Variants in PTPRN2 observed in about 807,000 individuals in gnomAD.
PTPRN2 encodes receptor-type tyrosine-protein phosphatase N2.
Under a neutral mutation model 118.8 loss-of-function variants are expected in PTPRN2, and 74 were observed. That is an observed-to-expected ratio of 0.62 (90% CI 0.52 to 0.76). The LOEUF (loss-of-function observed/expected upper bound fraction) is 0.76. PTPRN2 is among the 30% of genes least tolerant of loss of function. PTPRN2 has a pLI of 0.00. For synonymous variants in PTPRN2, 641 were observed against 608.0 expected, an observed-to-expected ratio of 1.05 and a Z score of -0.80; for missense variants, 1,481 against 1,394.4, an observed-to-expected ratio of 1.06 and a Z score of -0.99.
intron 2 of PTPRN2, among the ~76,000 whole-genome samples, chr7:158,350,003 G>A (rs1807808857): frequency 6.6e-6 from 1 of 152,174 alleles, no homozygotes. Context: ...ACAGGATACA[G>A]CACGGATTCC....
rs1395243073 is a variant in PTPRN2 at position 157,854,880 on chromosome 7, G to GGAT, written c.1788+43792_1788+43793insATC. The GGAT allele has an allele frequency of 3.1e-3, 530 of 171,290 alleles. 50 individuals are homozygous for GGAT. Among genetic ancestry groups the GGAT allele is most frequent in the South Asian group, 0.029 (290 of 10,046 alleles). 10.6% of individuals were successfully genotyped at this position (171,290 alleles called of 1,614,324 possible). On this transcript the variant is annotated intron_variant, in intron 12 of 22. Transcript: ENST00000389418. ...GCTGCTGAGGCCCTGAGAAAGGTAT[G>GGAT]CATCGGGGAGGCTGGCTGTGCTGTT...
At chr7:158,549,759 G>A (rs771415773) in intron 1 of PTPRN2, among the ~76,000 whole-genome samples, 13 of 152,230 alleles carry the variant, frequency 8.5e-5, no homozygotes, top group Admixed American at 2.6e-4. Flanking sequence ...TGAGAACACC[G>A]ATTCACTCCT....
chr7:158,369,884 C>T (rs1000603624), intron 2 of PTPRN2, among the ~76,000 whole-genome samples: 7 of 152,148 alleles, frequency 4.6e-5, no homozygotes. Flanking sequence ...TAACAGCACT[C>T]CAGAAGTCCC....
chr7:158,516,395 T>C (rs1823563554), intron 1 of PTPRN2, among the ~76,000 whole-genome samples: 1 of 152,214 alleles, frequency 6.6e-6, no homozygotes, highest in South Asian at 2.1e-4. Flanking sequence ...AAGCCAAAAC[T>C]TCCTTACAAG....
rs933879193 is a variant in PTPRN2 at position 158,268,915 on chromosome 7, C to T, written c.277+47904G>A. Among the ~76,000 whole-genome samples the T allele has an allele frequency of 3.3e-5, 5 of 152,002 alleles. No individual in the cohort carries two copies. In the South Asian group the frequency reaches 8.3e-4, roughly 25 times the overall value. ...GCACACAGAGTGGGGTGTGAAATAT[C>T]CCAGCCGCGTGCACACAGGGCGGGT... is the stretch of plus-strand genomic sequence containing the variant. On this transcript the variant is annotated intron_variant, in intron 3 of 22. Coordinates refer to ENST00000389418, the MANE Select transcript of PTPRN2 (RefSeq NM_002847.5).
chr7:157,561,250 G>A (rs1799178508), intron 21 of PTPRN2, among the ~76,000 whole-genome samples: 1 of 151,628 alleles, frequency 6.6e-6, no homozygotes, highest in Admixed American at 6.6e-5. Context: ...CGGTCTCCCC[G>A]CCCTCTGGTT....
chr7:158,570,054 G>A lies in PTPRN2; in HGVS notation c.112+17504C>T, dbSNP rs149194873. On this transcript the variant is annotated intron_variant, in intron 1 of 22. Coordinates refer to ENST00000389418, the MANE Select transcript of PTPRN2 (RefSeq NM_002847.5). The surrounding 1 kb of genome is among the most constrained non-coding windows in gnomAD (Gnocchi z 4.5). ...TCCTCCCTCGCGTTCCCTCAGGCGC[G>A]TCCTCCACCCGTTTCCCCCAGGCAG... Among the ~76,000 whole-genome samples, 353 of 152,278 alleles carry A rather than the reference G, an allele frequency of 2.3e-3. 2 individuals carry two copies. Among genetic ancestry groups the A allele is most frequent in the Non-Finnish European group, 4.2e-3 (289 of 68,012 alleles).
At chr7:157,630,938 G>A (rs1163937427) in intron 14 of PTPRN2, among the ~76,000 whole-genome samples, 2 of 152,234 alleles carry the variant, frequency 1.3e-5, no homozygotes, top group South Asian at 4.1e-4. Flanking sequence ...GAACTGGGAA[G>A]TGGTCAACAC....
intron 10 of PTPRN2, among the ~76,000 whole-genome samples, chr7:158,083,559 C>A (rs1394292438): frequency 1.3e-5 from 2 of 152,240 alleles, no homozygotes; most frequent in Admixed American, 1.3e-4. Flanking sequence ...AAGACCCAGA[C>A]CCCTATGCTA....
At chr7:158,457,205 T>A (rs1818572750) in intron 2 of PTPRN2, among the ~76,000 whole-genome samples, 1 of 152,108 alleles carries the variant, frequency 6.6e-6, no homozygotes, top group Admixed American at 6.5e-5. Flanking sequence ...TCTGACCCCT[T>A]TCCTGATGCT....
chr7:158,266,834 C>T (rs1797917752), intron 3 of PTPRN2, among the ~76,000 whole-genome samples: 1 of 152,230 alleles, frequency 6.6e-6, no homozygotes, highest in South Asian at 2.1e-4. Flanking sequence ...ATTTTTAAAA[C>T]TTCATCCATT....
intron 1 of PTPRN2, among the ~76,000 whole-genome samples, chr7:158,573,162 C>G (rs1469420249): frequency 1.3e-5 from 2 of 152,198 alleles, no homozygotes; most frequent in Non-Finnish European, 2.9e-5. Flanking sequence ...TGATCATCCT[C>G]TGGTACAGAT....
At chr7:158,559,382 T>C (rs991477613) in intron 1 of PTPRN2, among the ~76,000 whole-genome samples, 3 of 152,240 alleles carry the variant, frequency 2.0e-5, no homozygotes, top group Non-Finnish European at 4.4e-5. Context: ...TGACTTTTTC[T>C]TTCTCAGAAT....
At chr7:158,145,594 C>A (rs1819869273) in intron 6 of PTPRN2, among the ~76,000 whole-genome samples, 1 of 152,238 alleles carries the variant, frequency 6.6e-6, no homozygotes, top group South Asian at 2.1e-4. Context: ...GCGGGAAAGC[C>A]AGAGCACCCT....
chr7:157,899,870 G>C (rs1261013250), intron 11 of PTPRN2, among the ~76,000 whole-genome samples: 24 of 152,198 alleles, frequency 1.6e-4, no homozygotes, highest in Admixed American at 9.2e-4. Flanking sequence ...AATACTTTAT[G>C]ATGGGGTAGA....
chr7:157,736,290 A>G (rs1176526470), intron 12 of PTPRN2, among the ~76,000 whole-genome samples: 1 of 152,204 alleles, frequency 6.6e-6, no homozygotes, highest in Non-Finnish European at 1.5e-5. Context: ...AGAGGTTGTT[A>G]TAGGCTGAAT....
chr7:158,039,878 A>T (rs1808330807), intron 11 of PTPRN2, among the ~76,000 whole-genome samples: 1 of 152,232 alleles, frequency 6.6e-6, no homozygotes, highest in Non-Finnish European at 1.5e-5. Context: ...GACAATGTGT[A>T]GGAACAGATG....
chr7:158,173,820 T>C (rs1823937416), intron 5 of PTPRN2, among the ~76,000 whole-genome samples: 1 of 152,224 alleles, frequency 6.6e-6, no homozygotes, highest in Admixed American at 6.5e-5. Flanking sequence ...CTACTTGCTT[T>C]CTGCAAGAAG....
intron 3 of PTPRN2, among the ~76,000 whole-genome samples, chr7:158,248,446 G>C (rs998052465): frequency 6.7e-6 from 1 of 148,980 alleles, no homozygotes; most frequent in Non-Finnish European, 1.5e-5. Context: ...TCATTTACTT[G>C]AATTCAAATC....
Sources: allele counts gnomAD v4.1 joint callset (sites outside exome capture counted in the v4.1 genomes callset), GRCh38; gene constraint gnomAD v4.1.1; non-coding constraint Gnocchi (gnomAD v3.1); transcripts MANE v1.5; gene names NCBI Gene and HGNC (gene_info 2026-07-23, HGNC 2026-07-21).